The following TMCC1 variants were observed in gnomAD, a reference collection of about 807,000 sequenced individuals.
TMCC1 encodes the protein transmembrane and coiled-coil domain family 1.
TMCC1 carries 15 observed loss-of-function variants against 52.4 expected under a neutral mutation model. The observed-to-expected ratio is 0.29, with a 90% CI of 0.19 to 0.44. TMCC1 has a LOEUF of 0.44. TMCC1 is among the 20% of genes least tolerant of loss of function. The probability of loss-of-function intolerance (pLI) is 1.00; values close to 1 mark genes in which losing one functional copy is unlikely to be tolerated. For synonymous variants in TMCC1, 279 were observed against 301.9 expected (o/e 0.92, Z 0.79); for missense variants, 503 against 806.0 (o/e 0.62, Z 4.55).
chr3:129,700,887 T>A (rs772369231), intron 4 of TMCC1, among the ~76,000 whole-genome samples: 8 of 152,102 alleles, frequency 5.3e-5, no homozygotes, highest in Non-Finnish European at 1.2e-4. Context: ...CGGAAGCAAA[T>A]CCTTGACAAA....
intron 4 of TMCC1, among the ~76,000 whole-genome samples, chr3:129,811,948 T>TA (rs538444532): frequency 0.091 from 12,000 of 132,152 alleles, 631 homozygotes; most frequent in East Asian, 0.19. Flanking sequence ...TGCCTCAATT[T>TA]AAAAAAAAAA....
intron 2 of TMCC1, among the ~76,000 whole-genome samples, chr3:129,835,255 T>G (rs906223434): frequency 7.9e-5 from 12 of 152,166 alleles, no homozygotes; most frequent in African/African-American, 2.9e-4. Flanking sequence ...TTCATGGCTG[T>G]GTTTTCATGC....
chr3:129,721,504 A>C (rs935443535), intron 4 of TMCC1, among the ~76,000 whole-genome samples: 6 of 151,830 alleles, frequency 4.0e-5, no homozygotes, highest in African/African-American at 1.5e-4. Context: ...AGTCAGCTAC[A>C]TTTTTTCTTC....
At chr3:129,776,677 G>A (rs2055063692) in intron 4 of TMCC1, among the ~76,000 whole-genome samples, 1 of 152,192 alleles carries the variant, frequency 6.6e-6, no homozygotes, top group South Asian at 2.1e-4. Flanking sequence ...ACCCAGGTTG[G>A]AGTATGGTAG....
intron 4 of TMCC1, among the ~76,000 whole-genome samples, chr3:129,726,445 T>C (rs1162678779): frequency 6.6e-6 from 1 of 152,242 alleles, no homozygotes; most frequent in Non-Finnish European, 1.5e-5. Context: ...CTCTACAGTC[T>C]AGCTATGCAT....
At chr3:129,854,966 A>T (rs1159738034) in intron 2 of TMCC1, among the ~76,000 whole-genome samples, 1 of 152,226 alleles carries the variant, frequency 6.6e-6, no homozygotes, top group African/African-American at 2.4e-5. Flanking sequence ...GTGTTGCATG[A>T]ATGAACAAAT....
intron 4 of TMCC1, among the ~76,000 whole-genome samples, chr3:129,796,250 C>A (rs2056812762): frequency 6.6e-6 from 1 of 152,146 alleles, no homozygotes; most frequent in African/African-American, 2.4e-5. Context: ...AGCCTAGGAG[C>A]AACAGGCTAT....
intron 4 of TMCC1, among the ~76,000 whole-genome samples, chr3:129,700,826 C>G (rs531248092): frequency 6.6e-6 from 1 of 152,020 alleles, no homozygotes; most frequent in Non-Finnish European, 1.5e-5. Flanking sequence ...ACTGGAAAAG[C>G]AGCTTTGATT....
At chr3:129,747,196 T>C (rs2052053868) in intron 4 of TMCC1, among the ~76,000 whole-genome samples, 1 of 152,134 alleles carries the variant, frequency 6.6e-6, no homozygotes, top group African/African-American at 2.4e-5. Context: ...CTCAGTTACA[T>C]ATATATAAAA....
intron 4 of TMCC1, among the ~76,000 whole-genome samples, chr3:129,762,685 G>A (rs1174383411): frequency 6.6e-6 from 1 of 152,144 alleles, no homozygotes; most frequent in African/African-American, 2.4e-5. Context: ...GGGAGTCTGA[G>A]GTGGGAAGAT....
intron 4 of TMCC1, among the ~76,000 whole-genome samples, chr3:129,802,748 A>T (rs2057267209): frequency 2.0e-5 from 3 of 152,230 alleles, no homozygotes; most frequent in Admixed American, 2.0e-4. Context: ...TACATGGCAT[A>T]GCATAGAGCA....
At position 129,709,497 on chromosome 3, in the gene TMCC1, A is replaced by AAAAAAAAAGAG. The variant is rs554837910; in HGVS notation, c.577-38234_577-38233insCTCTTTTTTTT. Among the ~76,000 whole-genome samples the AAAAAAAAAGAG allele has an allele frequency of 3.4e-4, 22 of 64,076 alleles. 4 individuals are homozygous for AAAAAAAAAGAG. Among genetic ancestry groups the AAAAAAAAAGAG allele is most frequent in the African/African-American group, 8.7e-4 (13 of 14,916 alleles). The allele number at this position is 64,076 out of a possible 152,430, so 42.0% of individuals were successfully genotyped here. On this transcript the variant is annotated intron_variant, in intron 4 of 6. Coordinates refer to ENST00000393238, the MANE Select transcript of TMCC1 (RefSeq NM_001017395.5). ...CTCAAAAAAAAAAAAAAAAAAAAAA[A>AAAAAAAAAGAG]AGAGAGAGAGAGAGAAACTTTAAAT...
chr3:129,887,201 A>G (rs1289234707), intron 1 of TMCC1, among the ~76,000 whole-genome samples: 1 of 152,078 alleles, frequency 6.6e-6, no homozygotes, highest in African/African-American at 2.4e-5. Flanking sequence ...GGTTAACTAC[A>G]TATTTCAAAT....
intron 4 of TMCC1, among the ~76,000 whole-genome samples, chr3:129,789,663 G>A (rs2056316152): frequency 6.6e-6 from 1 of 152,112 alleles, no homozygotes; most frequent in Non-Finnish European, 1.5e-5. Context: ...TGTATTTTTA[G>A]TAGAGACGGG....
intron 4 of TMCC1, among the ~76,000 whole-genome samples, chr3:129,763,892 T>C (rs2053864665): frequency 6.7e-6 from 1 of 149,158 alleles, no homozygotes; most frequent in African/African-American, 2.5e-5. Context: ...TATTAACCAG[T>C]CTACTTACTT....
At chr3:129,789,363 T>A (rs1273932280) in intron 4 of TMCC1, among the ~76,000 whole-genome samples, 3 of 152,210 alleles carry the variant, frequency 2.0e-5, no homozygotes, top group Admixed American at 6.5e-5. Context: ...ACAGAAAGAT[T>A]AAGTCAGTCA....
At chr3:129,888,395 A>G (rs2061820280) in intron 1 of TMCC1, among the ~76,000 whole-genome samples, 1 of 152,246 alleles carries the variant, frequency 6.6e-6, no homozygotes. Flanking sequence ...CCTAGAAGAT[A>G]CAACACTTCA....
intron 4 of TMCC1, among the ~76,000 whole-genome samples, chr3:129,731,125 C>A (rs1240850227): frequency 6.6e-6 from 1 of 152,108 alleles, no homozygotes; most frequent in Non-Finnish European, 1.5e-5. Flanking sequence ...GAATAATATA[C>A]CATAACCAAG....
At chr3:129,836,762 CAG>C (rs2059178285) in intron 2 of TMCC1, among the ~76,000 whole-genome samples, 1 of 152,216 alleles carries the variant, frequency 6.6e-6, no homozygotes, top group Non-Finnish European at 1.5e-5. Flanking sequence ...AGGTTAGAAT[CAG>C]AGTGTGAAGT....
Sources: allele counts gnomAD v4.1 joint callset (sites outside exome capture counted in the v4.1 genomes callset), GRCh38; gene constraint gnomAD v4.1.1; transcripts MANE v1.5; gene names NCBI Gene and HGNC (gene_info 2026-07-23, HGNC 2026-07-21).